The following ERBB4 variants were observed in gnomAD, a reference collection of about 807,000 sequenced individuals.
The protein encoded by ERBB4 is receptor tyrosine-protein kinase erbB-4.
A neutral mutation model predicts 158.0 loss-of-function variants in ERBB4; 42 were observed. The observed-to-expected ratio is 0.27, with a 90% confidence interval of 0.21 to 0.34. ERBB4 has a LOEUF of 0.34. Among genes scored for constraint, ERBB4 ranks in the 10% least tolerant of loss-of-function variants. The pLI, the probability that ERBB4 is intolerant of heterozygous loss-of-function variation, is 1.00. For synonymous variants in ERBB4, 583 were observed against 558.7 expected (o/e 1.04, Z -0.61); for missense variants, 1,333 against 1,624.1 (o/e 0.82, Z 3.08).
intron 3 of ERBB4, among the ~76,000 whole-genome samples, chr2:211,912,000 G>A (rs2079552457): frequency 6.6e-6 from 1 of 152,090 alleles, no homozygotes; most frequent in African/African-American, 2.4e-5. Flanking sequence ...ACCAGCCACA[G>A]ATAAACCTGT....
intron 19 of ERBB4, among the ~76,000 whole-genome samples, chr2:211,564,175 G>C (rs1353366091): frequency 1.3e-5 from 2 of 152,068 alleles, no homozygotes; most frequent in Non-Finnish European, 2.9e-5. Context: ...TAGCCAACTT[G>C]GTAAACATAA....
chr2:211,610,024 G>A (rs943611762), intron 19 of ERBB4, among the ~76,000 whole-genome samples: 17 of 151,776 alleles, frequency 1.1e-4, no homozygotes, highest in Admixed American at 9.9e-4. Flanking sequence ...TAAAGTAGAC[G>A]CTTTTGTAAT....
intron 3 of ERBB4, among the ~76,000 whole-genome samples, chr2:211,898,381 A>G (rs1271076447): frequency 1.3e-5 from 2 of 152,148 alleles, no homozygotes; most frequent in African/African-American, 4.8e-5. Context: ...GCCTTTAGCC[A>G]TAAGAATTAG....
intron 20 of ERBB4, among the ~76,000 whole-genome samples, chr2:211,501,406 CTTGAT>C: frequency 6.6e-6 from 1 of 151,756 alleles, no homozygotes; most frequent in Middle Eastern, 4.2e-3. Flanking sequence ...ACCCCAACTA[CTTGAT>C]TTGATCATTA....
intron 17 of ERBB4, among the ~76,000 whole-genome samples, chr2:211,629,978 T>G (rs1012164964): frequency 2.0e-5 from 3 of 152,196 alleles, no homozygotes; most frequent in African/African-American, 7.2e-5. Context: ...ATTCAGGACA[T>G]AGGCATGGGC....
At chr2:211,910,171 C>T (rs2079506948) in intron 3 of ERBB4, among the ~76,000 whole-genome samples, 1 of 151,650 alleles carries the variant, frequency 6.6e-6, no homozygotes, top group African/African-American at 2.4e-5. Context: ...CCCACCTCAG[C>T]CTCCCAGAGT....
chr2:211,921,892 A>T (rs1247089225), intron 3 of ERBB4, among the ~76,000 whole-genome samples: 1 of 152,080 alleles, frequency 6.6e-6, no homozygotes, highest in Non-Finnish European at 1.5e-5. Context: ...GGTACATGTT[A>T]TTTTAATAAT....
intron 1 of ERBB4, among the ~76,000 whole-genome samples, chr2:212,130,474 G>A (rs139586261): frequency 6.6e-6 from 1 of 152,134 alleles, no homozygotes; most frequent in African/African-American, 2.4e-5. Flanking sequence ...AAAAAGGTTG[G>A]TTAACAGTGG....
chr2:212,016,275 G>A (rs2076528100), intron 2 of ERBB4, among the ~76,000 whole-genome samples: 1 of 151,982 alleles, frequency 6.6e-6, no homozygotes, highest in Admixed American at 6.6e-5. Flanking sequence ...TCAATAAGCA[G>A]TGGGAAGCAG....
At chr2:212,196,410 A>G (rs181417295) in intron 1 of ERBB4, among the ~76,000 whole-genome samples, 7 of 152,102 alleles carry the variant, frequency 4.6e-5, no homozygotes, top group African/African-American at 1.7e-4. Context: ...CCTCTTAGGG[A>G]TGGCAGAGGC....
In ERBB4 at chr2:211,965,046, C is replaced by T. The variant is rs966778227; in HGVS notation, c.235-17430G>A. Among the ~76,000 whole-genome samples the T allele has an allele frequency of 9.9e-5, 15 of 152,174 alleles. No homozygotes were observed. The East Asian group carries it at 1.5e-3, about 16-fold the overall frequency. Reference sequence around the variant, plus strand: ...TCCTCCACACAGACTATTACCTATACGGCACAAACACAAGGCCTTTGTTGA... The same window carrying T: ...TCCTCCACACAGACTATTACCTATATGGCACAAACACAAGGCCTTTGTTGA... On this transcript the variant is annotated intron_variant, in intron 2 of 27. Coordinates refer to ENST00000342788, the MANE Select transcript of ERBB4 (RefSeq NM_005235.3).
rs186984774 is a variant in ERBB4 at position 212,051,783 on chromosome 2, T to A, written c.234+72969A>T. On this transcript the variant is annotated intron_variant, in intron 2 of 27. Transcript: ENST00000342788. ...TTATTTGCAAGGTTAAATTTTATAA[T>A]AGTCTAAATTTTATTAACATTTAAA... is the stretch of plus-strand genomic sequence containing the variant. Among the ~76,000 whole-genome samples the A allele has an allele frequency of 8.9e-4, 135 of 152,324 alleles. 2 individuals carry two copies. Among genetic ancestry groups the A allele is most frequent in the African/African-American group, 3.1e-3 (128 of 41,578 alleles).
intron 1 of ERBB4, among the ~76,000 whole-genome samples, chr2:212,458,389 G>A (rs980730227): frequency 6.6e-6 from 1 of 152,028 alleles, no homozygotes; most frequent in Admixed American, 6.6e-5. Flanking sequence ...GGTGGATTAC[G>A]GCATTCAAGT....
intron 1 of ERBB4, among the ~76,000 whole-genome samples, chr2:212,405,679 G>C (rs1391869663): frequency 6.6e-6 from 1 of 152,064 alleles, no homozygotes; most frequent in Admixed American, 6.6e-5. Context: ...ATGCACATCT[G>C]TTTCCCTTAG....
intron 3 of ERBB4, among the ~76,000 whole-genome samples, chr2:211,833,229 T>C (rs1190990829): frequency 6.6e-6 from 1 of 152,104 alleles, no homozygotes; most frequent in Non-Finnish European, 1.5e-5. Context: ...AGCTGATGAT[T>C]GCACATAAGT....
chr2:211,779,756 A>G (rs2075988737), intron 4 of ERBB4: 2 of 152,214 alleles, frequency 1.3e-5, no homozygotes, highest in African/African-American at 4.8e-5. Flanking sequence ...GAGCCAGCCT[A>G]AAGGAAAACC....
At chr2:211,458,299 G>T (rs188224947) in intron 20 of ERBB4, among the ~76,000 whole-genome samples, 2 of 149,916 alleles carry the variant, frequency 1.3e-5, no homozygotes, top group Non-Finnish European at 3.0e-5. Flanking sequence ...ACAATGTCTT[G>T]CTCTGTCACC....
chr2:212,191,872 TAA>T (rs1235081017), intron 1 of ERBB4, among the ~76,000 whole-genome samples: 2 of 15,570 alleles, frequency 1.3e-4, no homozygotes, highest in African/African-American at 1.7e-4. Flanking sequence ...ATATTATATA[TAA>T]TACATATGTT....
intron 2 of ERBB4, among the ~76,000 whole-genome samples, chr2:211,967,507 AAG>A (rs2125192127): frequency 6.6e-6 from 1 of 152,174 alleles, no homozygotes; most frequent in East Asian, 1.9e-4. Flanking sequence ...GGATAAAATG[AAG>A]AGTTACTCAA....
Sources: gnomAD v4.1 joint callset for allele counts (sites outside exome capture counted in the v4.1 genomes callset) on GRCh38, gnomAD v4.1.1 for gene constraint, MANE v1.5 for transcripts, NCBI Gene and HGNC (gene_info 2026-07-23, HGNC 2026-07-21) for gene names.